Variants in SYTL1 observed in about 807,000 individuals in gnomAD.
SYTL1 encodes the protein synaptotagmin like 1.
Under a neutral mutation model 74.6 loss-of-function variants are expected in SYTL1, and 53 were observed. The observed-to-expected ratio is 0.71, with a 90% CI of 0.57 to 0.89. The LOEUF (loss-of-function observed/expected upper bound fraction) is 0.89, where lower values mean the gene tolerates loss of function less well. Among genes scored for constraint, SYTL1 ranks in the 40% least tolerant of loss-of-function variants. The probability of loss-of-function intolerance (pLI) is 0.00; values close to 1 mark genes in which losing one functional copy is unlikely to be tolerated. For synonymous variants in SYTL1, 329 were observed against 324.9 expected, an observed-to-expected ratio of 1.01 and a Z score of -0.14; for missense variants, 728 against 768.7, an observed-to-expected ratio of 0.95 and a Z score of 0.63.
chr1:27,349,961 C>A lies in SYTL1; in HGVS notation c.748-11C>A, dbSNP rs1475836327. ...CGAGCGGCCCTGACTCCCACCCACT[C>A]CCGTCCGCAGCTGAGCGGCAGCCAG... On this transcript the variant is annotated splice_polypyrimidine_tract_variant and intron_variant, in intron 8 of 14. Coordinates refer to ENST00000616558, the MANE Select transcript of SYTL1 (RefSeq NM_001193308.2). 3 of 1,571,466 alleles carry A rather than the reference C, an allele frequency of 1.9e-6. No individual in the cohort carries two copies. Among genetic ancestry groups the A allele is most frequent in the African/African-American group, 2.7e-5 (2 of 73,560 alleles).
rs528279471 is a variant in SYTL1, at chr1:27,343,105, C to T, written c.-39+955C>T. Reference sequence around the variant, plus strand: ...AGCCAGGACCTGCCCGCCAAGCTGCCTCCGCCGGTCTCAGCCCCACCTGGA... The same window carrying T: ...AGCCAGGACCTGCCCGCCAAGCTGCTTCCGCCGGTCTCAGCCCCACCTGGA... On this transcript the variant is annotated intron_variant, in intron 1 of 14. Coordinates refer to ENST00000616558, the MANE Select transcript of SYTL1 (RefSeq NM_001193308.2). This position sits in a 1 kb window ranked among gnomAD's most constrained non-coding sequence, Gnocchi z 5.2. 6.5e-6 allele frequency: 1 copy of T among 152,708 alleles called. No homozygotes were observed. Among genetic ancestry groups the T allele is most frequent in the African/African-American group, 2.4e-5 (1 of 41,578 alleles). The allele number at this position is 152,708 out of a possible 1,614,324, so 9.5% of individuals were successfully genotyped here.
In SYTL1 at chr1:27,351,095, C is replaced by T; in HGVS notation, c.1164+143C>T. The T allele has an allele frequency of 7.7e-7, 1 of 1,305,204 alleles. No homozygotes were observed. The highest frequency in any genetic ancestry group is 1.5e-5 in the African/African-American group (1 of 67,708). The allele number at this position is 1,305,204 out of a possible 1,614,324, so 80.9% of individuals were successfully genotyped here. ...TAACCTCATGGCCCCAGGCGAAGCCCGGCCGGCCACGGCCCCTTCCCCGAG... is the reference window on the plus strand; with the variant it reads ...TAACCTCATGGCCCCAGGCGAAGCCTGGCCGGCCACGGCCCCTTCCCCGAG... On this transcript the variant is annotated intron_variant, in intron 11 of 14. Coordinates refer to ENST00000616558, the MANE Select transcript of SYTL1 (RefSeq NM_001193308.2). This position sits in a 1 kb window ranked among gnomAD's most constrained non-coding sequence, Gnocchi z 5.0.
intron 6 of SYTL1, 29 bp downstream of exon 6, chr1:27,349,181 G>C (rs200560324): frequency 1.2e-6 from 2 of 1,607,644 alleles, no homozygotes; most frequent in Non-Finnish European, 1.7e-6. Flanking sequence ...TGGGGAGCAC[G>C]GAGAGGTTTC....
rs1293066323 is a variant in SYTL1 at position 27,345,437 on chromosome 1, A to G, written c.103A>G (p.Ser35Gly). The change falls in exon 2 of 15, where the codon AGC becomes GGC. Residue 35 changes from serine to glycine, a missense_variant. By Grantham distance (56) the Ser-to-Gly change is moderately conservative (BLOSUM62 0). Coordinates refer to ENST00000616558, the MANE Select transcript of SYTL1 (RefSeq NM_001193308.2). The surrounding 1 kb of genome is among the most constrained non-coding windows in gnomAD (Gnocchi z 6.0). ...KPETEGLLDL[S>G]FLTEEEQEAI... Reference sequence around the variant, plus strand: ...TGAGACTGAAGGACTGTTGGACCTCAGCTTCCTGACAGAGGAGGAGCAGGA... The same window carrying G: ...TGAGACTGAAGGACTGTTGGACCTCGGCTTCCTGACAGAGGAGGAGCAGGA... 1 of 1,563,018 alleles carries G rather than the reference A, an allele frequency of 6.4e-7. No homozygotes were observed. The highest frequency in any genetic ancestry group is 8.7e-7 in the Non-Finnish European group (1 of 1,152,668).
At position 27,350,127 on chromosome 1, in the gene SYTL1, G is replaced by A. The variant is rs1246625978; in HGVS notation, c.903G>A (p.Ser301=). ...TGGCCGCCGCCCGGCGCCGCCGCTCGGACCCGTGAGTGCCCCGCCGGCCAA... is the reference window on the plus strand; with the variant it reads ...TGGCCGCCGCCCGGCGCCGCCGCTCAGACCCGTGAGTGCCCCGCCGGCCAA... The part of the protein sequence containing the change: ...QGLAAARRRR[S]DPYVKSYLLP... The change falls in exon 9 of 15, where the codon TCG becomes TCA. Residue 301 remains serine, a synonymous_variant. Coordinates refer to ENST00000616558, the MANE Select transcript of SYTL1 (RefSeq NM_001193308.2). The surrounding 1 kb of genome is among the most constrained non-coding windows in gnomAD (Gnocchi z 6.3). The A allele has an allele frequency of 2.9e-6, 4 of 1,394,654 alleles. No individual in the cohort carries two copies. The African/African-American group carries it at 4.6e-5, about 16-fold the overall frequency. The allele number at this position is 1,394,654 out of a possible 1,614,324, so 86.4% of individuals were successfully genotyped here.
chr1:27,349,735 C>T lies in SYTL1; in HGVS notation c.717C>T (p.Ser239=), dbSNP rs1359756391. Residue 239 remains serine (S), a synonymous_variant, in exon 8 of 15, where the codon AGC becomes AGT. Coordinates refer to ENST00000616558, the MANE Select transcript of SYTL1 (RefSeq NM_001193308.2). The part of the protein sequence containing the change: ...DPSLDRMLSS[S]SSVSSLNSST... ...CTCTCGACCGCATGCTCAGCAGCAG[C>T]TCCTCGGTGTCCAGCCTTAACTCCT... 1 of 1,608,244 alleles carries T rather than the reference C, an allele frequency of 6.2e-7. No individual in the cohort carries two copies. Among genetic ancestry groups the T allele is most frequent in the Non-Finnish European group, 8.5e-7 (1 of 1,179,126 alleles).
At chr1:27,349,885 T>C (rs1447366293) in intron 8 of SYTL1, 87 bp from the exon 9 acceptor site, 1 of 1,537,896 alleles carries the variant, frequency 6.5e-7, no homozygotes, top group Non-Finnish European at 8.7e-7. Context: ...CTGCCACCTA[T>C]GACCCGGGTC....
At chr1:27,344,429 G>T (rs565894902) in intron 1 of SYTL1, among the ~76,000 whole-genome samples, 4 of 151,436 alleles carry the variant, frequency 2.6e-5, no homozygotes, top group Admixed American at 2.0e-4. Flanking sequence ...TAGTAGAGAA[G>T]GGGGTTTCAC....
rs1447143108 is a variant in SYTL1 at position 27,342,614 on chromosome 1, A to G, written c.-39+464A>G. ...ACATACAGCACAGGAGGAAATGCAC[A>G]ATGCATACTGTACACACCCCACACG... On this transcript the variant is annotated intron_variant, in intron 1 of 14. Coordinates refer to ENST00000616558, the MANE Select transcript of SYTL1 (RefSeq NM_001193308.2). The surrounding 1 kb of genome is among the most constrained non-coding windows in gnomAD (Gnocchi z 4.7). Among the ~76,000 whole-genome samples, 1 of 152,214 alleles carries G rather than the reference A, an allele frequency of 6.6e-6. No individual in the cohort carries two copies. Among genetic ancestry groups the G allele is most frequent in the African/African-American group, 2.4e-5 (1 of 41,434 alleles).
At position 27,350,088 on chromosome 1, in the gene SYTL1, C is replaced by A; in HGVS notation, c.864C>A (p.Ile288=). ...PGAAELRVHV[I]QCQGLAAARR... is the part of the protein sequence containing the mutation. ...CCGCCGAGCTGCGCGTGCACGTGAT[C>A]CAGTGCCAGGGCCTGGCCGCCGCCC... is the stretch of plus-strand genomic sequence containing the variant. Residue 288 remains isoleucine (I), a synonymous_variant, in exon 9 of 15, where the codon ATC becomes ATA. Transcript: ENST00000616558. The surrounding 1 kb of genome is among the most constrained non-coding windows in gnomAD (Gnocchi z 6.3). The A allele has an allele frequency of 6.8e-7, 1 of 1,475,154 alleles. No homozygotes were observed. The highest frequency in any genetic ancestry group is 2.9e-5 in the East Asian group (1 of 34,960). 91.4% of individuals were successfully genotyped at this position (1,475,154 alleles called of 1,614,324 possible).
At position 27,349,136 on chromosome 1, in the gene SYTL1, G is replaced by A. The variant is rs537719164; in HGVS notation, c.516G>A (p.Ala172=). 4.3e-6 allele frequency: 7 copies of A among 1,613,848 alleles called. No individual in the cohort carries two copies. The highest frequency in any genetic ancestry group is 5.9e-6 in the Non-Finnish European group (7 of 1,179,806). The change falls in exon 6 of 15, where the codon GCG becomes GCA. Residue 172 remains alanine, a synonymous_variant. Coordinates refer to ENST00000616558, the MANE Select transcript of SYTL1 (RefSeq NM_001193308.2). The stretch of plus-strand genomic sequence containing the variant: ...TAAAGGCTTCAGATCCTGAGGAGGC[G>A]TCCCAGGCCCAGGAAGGTGAGTGGG... ...VPLKASDPEE[A]SQAQEDPGQG...
At position 27,353,350 on chromosome 1, in the gene SYTL1, C is replaced by A; in HGVS notation, c.1411C>A (p.Pro471Thr). ...RTRVVRRSLS[P>T]VFNHTMVYDG... ...AAGGGTTGTGCGACGCAGCCTCAGC[C>A]CTGTGTTCAATCACACCATGGTGTA... The change falls in exon 14 of 15, where the codon CCT becomes ACT. Residue 471 changes from proline to threonine, a missense_variant. Pro to Thr is a conservative substitution (Grantham distance 38). Transcript: ENST00000616558. 6.2e-7 allele frequency: 1 copy of A among 1,610,940 alleles called. No homozygotes were observed. The highest frequency in any genetic ancestry group is 8.5e-7 in the Non-Finnish European group (1 of 1,178,920).
rs2015270710 is a variant in SYTL1, at chr1:27,351,417, C to T, written c.1244-39C>T. ...AGTCCCCGGGTTTGGGGGCGGTGGA[C>T]TCCATCCGTGTGCGGGCCTGAGCCG... On this transcript the variant is annotated intron_variant, in intron 12 of 14. Transcript: ENST00000616558. The surrounding 1 kb of genome is among the most constrained non-coding windows in gnomAD (Gnocchi z 5.0). 2 of 1,506,660 alleles carry T rather than the reference C, an allele frequency of 1.3e-6. No homozygotes were observed. Among genetic ancestry groups the T allele is most frequent in the Admixed American group, 2.1e-5 (1 of 46,638 alleles). The allele number at this position is 1,506,660 out of a possible 1,614,324, so 93.3% of individuals were successfully genotyped here.
chr1:27,350,293 C>T lies in SYTL1; in HGVS notation c.909-96C>T. On this transcript the variant is annotated intron_variant, in intron 9 of 14. Coordinates refer to ENST00000616558, the MANE Select transcript of SYTL1 (RefSeq NM_001193308.2). This position sits in a 1 kb window ranked among gnomAD's most constrained non-coding sequence, Gnocchi z 6.3. The stretch of plus-strand genomic sequence containing the variant: ...TCCCTGTAAAGCGCTTAGCACGAGG[C>T]CTGGCACGTGTTCGGGATGGTGGCT... 6.7e-7 allele frequency: 1 copy of T among 1,484,996 alleles called. No homozygotes were observed. Among genetic ancestry groups the T allele is most frequent in the East Asian group, 2.3e-5 (1 of 44,264 alleles). 92.0% of individuals were successfully genotyped at this position (1,484,996 alleles called of 1,614,324 possible). A position where few individuals can be genotyped will look rare whatever the true frequency, so the allele number is the denominator to read the frequency against.
intron 14 of SYTL1, 35 bp from the exon 15 acceptor site, chr1:27,353,678 G>A (rs575591091): frequency 6.2e-7 from 1 of 1,601,146 alleles, no homozygotes; most frequent in Admixed American, 1.7e-5. Flanking sequence ...TGTCCAGTGT[G>A]ATCATGCCCT....
chr1:27,349,003 C>G (rs1434091397), intron 5 of SYTL1, 77 bp from the exon 6 acceptor site: 1 of 1,192,152 alleles, frequency 8.4e-7, no homozygotes, highest in Admixed American at 1.9e-5. Context: ...AGCCCTATGA[C>G]CTCTGACCCC....
In SYTL1 at chr1:27,345,085, G is replaced by A. The variant is rs998694698; in HGVS notation, c.-38-212G>A. 4.6e-5 allele frequency: 16 copies of A among 350,558 alleles called. No homozygotes were observed. The South Asian group carries it at 1.0e-3, about 22-fold the overall frequency. The allele number at this position is 350,558 out of a possible 1,614,324, so 21.7% of individuals were successfully genotyped here. The stretch of plus-strand genomic sequence containing the variant: ...CCTACCTCAGGGTGTGTGCATGTGT[G>A]TCTCTTGCTTCTTCCACTGTGTCTC... On this transcript the variant is annotated intron_variant, in intron 1 of 14. Coordinates refer to ENST00000616558, the MANE Select transcript of SYTL1 (RefSeq NM_001193308.2). This position sits in a 1 kb window ranked among gnomAD's most constrained non-coding sequence, Gnocchi z 6.0.
At chr1:27,353,664 A>C (rs1472483211) in intron 14 of SYTL1, 49 bp from the exon 15 acceptor site, 3 of 1,592,016 alleles carry the variant, frequency 1.9e-6, no homozygotes, top group Non-Finnish European at 1.7e-6. Flanking sequence ...TGGGGGCCCC[A>C]AGGTGTCCAG....
chr1:27,345,620 G>A lies in SYTL1; in HGVS notation c.191+95G>A, dbSNP rs2014968960. ...ACACCACTGCCTGTCAGATGTCTGC[G>A]TGGTTCTTGGTTTTGCCCTTCAGTC... is the stretch of plus-strand genomic sequence containing the variant. On this transcript the variant is annotated intron_variant, in intron 2 of 14. Coordinates refer to ENST00000616558, the MANE Select transcript of SYTL1 (RefSeq NM_001193308.2). This position sits in a 1 kb window ranked among gnomAD's most constrained non-coding sequence, Gnocchi z 6.0. 6 of 879,342 alleles carry A rather than the reference G, an allele frequency of 6.8e-6. No individual in the cohort carries two copies. The highest frequency in any genetic ancestry group is 3.7e-5 in the South Asian group (2 of 54,294). The allele number at this position is 879,342 out of a possible 1,614,324, so 54.5% of individuals were successfully genotyped here.
Sources: allele counts gnomAD v4.1 joint callset (sites outside exome capture counted in the v4.1 genomes callset), GRCh38; gene constraint gnomAD v4.1.1; non-coding constraint Gnocchi (gnomAD v3.1); transcripts MANE v1.5; gene names NCBI Gene and HGNC (gene_info 2026-07-23, HGNC 2026-07-21).